BCAS3: variants seen among roughly 807,000 people sequenced by gnomAD.
BCAS3 encodes the protein BCAS3 microtubule associated cell migration factor.
In BCAS3, 53 loss-of-function variants were observed where a neutral mutation model predicts 116.1. That is an observed-to-expected ratio of 0.46 (90% CI 0.37 to 0.57). The LOEUF is 0.57. Among genes scored for constraint, BCAS3 ranks in the 20% least tolerant of loss-of-function variants. The pLI is 0.00. For missense variants in BCAS3, 917 were observed against 1,165.4 expected (o/e 0.79, Z 3.10); for synonymous variants, 391 against 408.2 (o/e 0.96, Z 0.51).
intron 16 of BCAS3, among the ~76,000 whole-genome samples, chr17:61,018,048 ATGTT>A (rs1468206263): frequency 1.3e-5 from 2 of 152,136 alleles, no homozygotes; most frequent in African/African-American, 2.4e-5. Context: ...TTTGAAACAA[ATGTT>A]AGTTAAGATA....
chr17:61,158,120 G>A (rs536036454), intron 22 of BCAS3, among the ~76,000 whole-genome samples: 5 of 152,166 alleles, frequency 3.3e-5, no homozygotes, highest in South Asian at 4.2e-4. Context: ...ATGCTAGTCA[G>A]TTTGGATCAC....
rs750931158 is a variant in BCAS3, at chr17:61,300,526, A to G, written c.2426-67801A>G. On this transcript the variant is annotated intron_variant, in intron 22 of 23. Transcript: ENST00000407086. This position sits in a 1 kb window ranked among gnomAD's most constrained non-coding sequence, Gnocchi z 5.1. The stretch of plus-strand genomic sequence containing the variant: ...ATTGCAGACTCTTTAGAAAAAATGT[A>G]TGGCATCTTGACGCAGTGTTCCTGG... Among the ~76,000 whole-genome samples, 48 of 152,192 alleles carry G rather than the reference A, an allele frequency of 3.2e-4. No homozygotes were observed. The highest frequency in any genetic ancestry group is 6.5e-4 in the Non-Finnish European group (44 of 68,048).
intron 10 of BCAS3, among the ~76,000 whole-genome samples, chr17:60,896,238 C>A (rs187359902): frequency 2.0e-5 from 3 of 152,270 alleles, no homozygotes. Context: ...GGCAAGAGAA[C>A]CATTTGGACC....
intron 5 of BCAS3, among the ~76,000 whole-genome samples, chr17:60,715,484 ACTT>A (rs1434320721): frequency 2.0e-5 from 3 of 151,752 alleles, no homozygotes; most frequent in Non-Finnish European, 4.4e-5. Flanking sequence ...AAAATATCAT[ACTT>A]CTTATTTATT....
intron 6 of BCAS3, among the ~76,000 whole-genome samples, chr17:60,785,966 C>T (rs2046252165): frequency 6.6e-6 from 1 of 152,034 alleles, no homozygotes; most frequent in Non-Finnish European, 1.5e-5. Flanking sequence ...TATAAATAAC[C>T]TAGAGATGAT....
Position 61,342,350 on chromosome 17 carries a change from A to G in BCAS3, c.2426-25977A>G, listed in dbSNP as rs552471930. Among the ~76,000 whole-genome samples, 5 of 152,316 alleles carry G rather than the reference A, an allele frequency of 3.3e-5. No homozygotes were observed. The East Asian group carries it at 9.7e-4, about 29-fold the overall frequency. On this transcript the variant is annotated intron_variant, in intron 22 of 23. Transcript: ENST00000407086. ...TTGGCCAACGTGCTTATGAAGAGCC[A>G]TGGCAGGCTGGTCTTGAACTCCTGA...
At position 61,228,231 on chromosome 17, in the gene BCAS3, T is replaced by G. The variant is rs1262521813; in HGVS notation, c.2426-140096T>G. ...CAAAGATGGGAAAATTCTTTATTAT[T>G]TTGCTTTGAGATTCTCCTAAGCCCC... On this transcript the variant is annotated intron_variant, in intron 22 of 23. Transcript: ENST00000407086. The surrounding 1 kb of genome is among the most constrained non-coding windows in gnomAD (Gnocchi z 5.0). 6.6e-6 allele frequency among the ~76,000 whole-genome samples: 1 copy of G among 152,148 alleles called. No individual in the cohort carries two copies. Among genetic ancestry groups the G allele is most frequent in the Non-Finnish European group, 1.5e-5 (1 of 68,026 alleles).
rs1349557402 is a variant in BCAS3 at position 61,392,744 on chromosome 17, T to A, written c.*619T>A. On this transcript the variant is annotated 3_prime_UTR_variant, in exon 24 of 24. Coordinates refer to ENST00000407086, the MANE Select transcript of BCAS3 (RefSeq NM_017679.5). This position sits in a 1 kb window ranked among gnomAD's most constrained non-coding sequence, Gnocchi z 6.4. Reference sequence around the variant, plus strand: ...TTTAAGCCCCTTTACCCTGGTCCTGTACTGATCAGTGAAGGAAACCGTGGT... The same window carrying A: ...TTTAAGCCCCTTTACCCTGGTCCTGAACTGATCAGTGAAGGAAACCGTGGT... 3.3e-5 allele frequency: 5 copies of A among 152,472 alleles called. No homozygotes were observed. Among genetic ancestry groups the A allele is most frequent in the African/African-American group, 1.2e-4 (5 of 41,438 alleles). 9.4% of individuals were successfully genotyped at this position (152,472 alleles called of 1,614,324 possible).
intron 5 of BCAS3, among the ~76,000 whole-genome samples, chr17:60,740,432 G>A (rs1230398300): frequency 1.3e-5 from 2 of 149,590 alleles, no homozygotes; most frequent in African/African-American, 2.5e-5. Flanking sequence ...CAGGGGGGCC[G>A]AGGCAGCAGT....
rs1003776449 is a variant in BCAS3, at chr17:61,302,683, AT to A, written c.2426-65635del. ...TGAGTGACAGAATTCTAGAATTCAT[AT>A]TTTTTTTTCAGCTTTGAAAGAACAG... On this transcript the variant is annotated intron_variant, in intron 22 of 23. Transcript: ENST00000407086. The surrounding 1 kb of genome is among the most constrained non-coding windows in gnomAD (Gnocchi z 4.4). Among the ~76,000 whole-genome samples, 3 of 151,516 alleles carry A rather than the reference AT, an allele frequency of 2.0e-5. No individual in the cohort carries two copies. The highest frequency in any genetic ancestry group is 3.4e-3 in the Middle Eastern group (1 of 292).
At chr17:60,856,800 T>G (rs1321792458) in intron 7 of BCAS3, among the ~76,000 whole-genome samples, 3 of 152,240 alleles carry the variant, frequency 2.0e-5, no homozygotes, top group African/African-American at 7.2e-5. Flanking sequence ...AAATCTGGTT[T>G]AAATATTTTG....
chr17:61,221,055 G>T (rs1047522665), intron 22 of BCAS3, among the ~76,000 whole-genome samples: 3 of 152,172 alleles, frequency 2.0e-5, no homozygotes, highest in Non-Finnish European at 2.9e-5. Context: ...AGCCGAGATC[G>T]CACCACTGCA....
chr17:61,358,136 A>G (rs9907597), intron 22 of BCAS3, among the ~76,000 whole-genome samples: 1 of 151,764 alleles, frequency 6.6e-6, no homozygotes, highest in Non-Finnish European at 1.5e-5. Context: ...ATAAAGTAAC[A>G]GAAGAGTCCC....
At chr17:60,823,065 C>G (rs1480632788) in intron 7 of BCAS3, among the ~76,000 whole-genome samples, 1 of 152,072 alleles carries the variant, frequency 6.6e-6, no homozygotes, top group African/African-American at 2.4e-5. Flanking sequence ...TTCACTTGAG[C>G]CAGTATGGTT....
chr17:61,280,648 A>G (rs559068005), intron 22 of BCAS3, among the ~76,000 whole-genome samples: 2 of 152,312 alleles, frequency 1.3e-5, no homozygotes, highest in East Asian at 3.9e-4. Flanking sequence ...ATGAAAGTAA[A>G]AGCTTATTTT....
chr17:61,007,173 A>G lies in BCAS3; in HGVS notation c.1487-8578A>G, dbSNP rs767309060. Among the ~76,000 whole-genome samples the G allele has an allele frequency of 1.2e-4, 18 of 151,964 alleles. No individual in the cohort carries two copies. Among genetic ancestry groups the G allele is most frequent in the Admixed American group, 4.6e-4 (7 of 15,226 alleles). On this transcript the variant is annotated intron_variant, in intron 15 of 23. Transcript: ENST00000407086. The surrounding 1 kb of genome is among the most constrained non-coding windows in gnomAD (Gnocchi z 4.3). ...TATTTCAGTAGAATTCCTCACAGCT[A>G]GTTCTATTATTTTTCCCTTTGTGTT... is the stretch of plus-strand genomic sequence containing the variant.
intron 6 of BCAS3, among the ~76,000 whole-genome samples, chr17:60,769,917 G>A (rs1056835722): frequency 6.6e-6 from 1 of 152,026 alleles, no homozygotes. Context: ...TGGGATTACA[G>A]GTGCCCGCCA....
chr17:61,070,205 C>T (rs377754473), intron 19 of BCAS3: 4 of 1,561,418 alleles, frequency 2.6e-6, no homozygotes, highest in Non-Finnish European at 3.5e-6. Context: ...ATTAAACAGG[C>T]TGTGAAGAAG....
chr17:61,078,912 G>C (rs1034859378), intron 21 of BCAS3, among the ~76,000 whole-genome samples: 1 of 152,036 alleles, frequency 6.6e-6, no homozygotes, highest in African/African-American at 2.4e-5. Context: ...ATCTAATCCT[G>C]TATCTCCCTT....
Sources: allele counts gnomAD v4.1 joint callset (sites outside exome capture counted in the v4.1 genomes callset), GRCh38; gene constraint gnomAD v4.1.1; non-coding constraint Gnocchi (gnomAD v3.1); transcripts MANE v1.5; gene names NCBI Gene and HGNC (gene_info 2026-07-23, HGNC 2026-07-21).